Variants in NRG1 observed in about 807,000 individuals in gnomAD.
The protein encoded by NRG1 is pro-neuregulin-1, membrane-bound isoform.
Under a neutral mutation model 63.8 loss-of-function variants are expected in NRG1, and 18 were observed. The ratio of observed to expected loss-of-function variants is 0.28; its 90% CI spans 0.19 to 0.42. NRG1 has a LOEUF of 0.42. NRG1 is among the 10% of genes least tolerant of loss of function. The probability of loss-of-function intolerance (pLI) is 1.00; values close to 1 mark genes in which losing one functional copy is unlikely to be tolerated. For missense variants in NRG1, 762 were observed against 814.7 expected, an observed-to-expected ratio of 0.94 and a Z score of 0.79; for synonymous variants, 302 against 301.3, an observed-to-expected ratio of 1.00 and a Z score of -0.02.
chr8:32,547,590 AACACACACACAC>A (rs33943729), upstream of NRG1, among the ~76,000 whole-genome samples: 4 of 148,384 alleles, frequency 2.7e-5, no homozygotes, highest in East Asian at 2.0e-4. Context: ...GCACTTACTA[AACACACACACAC>A]ACACACACAC....
chr8:32,538,989 G>GGAA (rs1476742600), intron 1 of NRG1, among the ~76,000 whole-genome samples: 1 of 152,144 alleles, frequency 6.6e-6, no homozygotes, highest in Non-Finnish European at 1.5e-5. Flanking sequence ...AGTTGGGTCT[G>GGAA]GAAGAATGGA....
intron 1 of NRG1, among the ~76,000 whole-genome samples, chr8:31,685,119 T>C (rs1808752933): frequency 6.6e-6 from 1 of 152,182 alleles, no homozygotes; most frequent in Admixed American, 6.5e-5. Flanking sequence ...ATATTAAAAA[T>C]GTAGTCGATG....
chr8:32,757,081 C>A (rs1829819257), intron 9 of NRG1, among the ~76,000 whole-genome samples: 1 of 152,178 alleles, frequency 6.6e-6, no homozygotes, highest in Admixed American at 6.5e-5. Flanking sequence ...GTCATGCCAG[C>A]TTCTTCCCTG....
chr8:31,956,425 G>A (rs866909416), intron 1 of NRG1, among the ~76,000 whole-genome samples: 4 of 152,058 alleles, frequency 2.6e-5, no homozygotes, highest in South Asian at 2.1e-4. Flanking sequence ...AGACCATCCC[G>A]GCTAACATGG....
intron 1 of NRG1, among the ~76,000 whole-genome samples, chr8:31,851,672 T>A (rs1377680504): frequency 6.6e-6 from 1 of 151,808 alleles, no homozygotes; most frequent in Non-Finnish European, 1.5e-5. Context: ...GTTAGTTACA[T>A]ATGTATACAT....
chr8:32,674,441 C>G (rs1407731896), intron 5 of NRG1, among the ~76,000 whole-genome samples: 1 of 152,060 alleles, frequency 6.6e-6, no homozygotes, highest in Non-Finnish European at 1.5e-5. Flanking sequence ...TCTGAATAGG[C>G]AAAGAGTGAG....
chr8:31,858,338 G>A (rs960018695), intron 1 of NRG1, among the ~76,000 whole-genome samples: 7 of 151,380 alleles, frequency 4.6e-5, no homozygotes, highest in South Asian at 2.1e-4. Context: ...AGAACTCAAC[G>A]TTGACCATTC....
At chr8:32,544,302 T>A (rs1693318581), upstream of NRG1, among the ~76,000 whole-genome samples, 3 of 152,280 alleles carry the variant, frequency 2.0e-5, no homozygotes, top group South Asian at 6.2e-4. Flanking sequence ...TGCAGTATTT[T>A]TCTTTTAAAA....
chr8:31,908,968 G>T (rs1470876061), intron 1 of NRG1, among the ~76,000 whole-genome samples: 1 of 152,064 alleles, frequency 6.6e-6, no homozygotes, highest in Non-Finnish European at 1.5e-5. Context: ...AGATAAGGTT[G>T]ATCTTCATCT....
chr8:32,708,840 A>G (rs945494973), intron 5 of NRG1, among the ~76,000 whole-genome samples: 1 of 152,184 alleles, frequency 6.6e-6, no homozygotes, highest in African/African-American at 2.4e-5. Flanking sequence ...ACATGGGTAC[A>G]TATAACAGTG....
At chr8:31,841,437 A>G in intron 1 of NRG1, among the ~76,000 whole-genome samples, 1 of 152,104 alleles carries the variant, frequency 6.6e-6, no homozygotes, top group Admixed American at 6.6e-5. Context: ...GGGGCCGTGA[A>G]CAGCATTTGT....
chr8:32,121,572 T>C (rs760450322), intron 1 of NRG1, among the ~76,000 whole-genome samples: 1 of 152,072 alleles, frequency 6.6e-6, no homozygotes, highest in Non-Finnish European at 1.5e-5. Context: ...TGAGCCATTT[T>C]CTTCTTCATT....
chr8:32,362,131 A>G (rs1417468387), intron 1 of NRG1, among the ~76,000 whole-genome samples: 1 of 152,212 alleles, frequency 6.6e-6, no homozygotes, highest in East Asian at 1.9e-4. Context: ...TATGACCTAC[A>G]AAACCATCAA....
chr8:32,019,835 T>C (rs1433016867), intron 1 of NRG1, among the ~76,000 whole-genome samples: 1 of 152,258 alleles, frequency 6.6e-6, no homozygotes, highest in Non-Finnish European at 1.5e-5. Flanking sequence ...GACTATATCA[T>C]AAACCATATA....
chr8:31,708,443 A>ATTTTTTTTTTTTTTTTTT (rs1232647785), intron 1 of NRG1, among the ~76,000 whole-genome samples: 1 of 132,074 alleles, frequency 7.6e-6, no homozygotes, highest in Non-Finnish European at 1.6e-5. Flanking sequence ...AATAAACATA[A>ATTTTTTTTTTTTTTTTTT]TTGTTTTTTT....
At chr8:31,910,470 T>C (rs531528344) in intron 1 of NRG1, among the ~76,000 whole-genome samples, 1 of 152,124 alleles carries the variant, frequency 6.6e-6, no homozygotes, top group South Asian at 2.1e-4. Context: ...CTATTTTATA[T>C]GAGTGGAAGA....
intron 1 of NRG1, among the ~76,000 whole-genome samples, chr8:32,233,563 A>ATATATATATATTTTT (rs34593729): frequency 5.9e-5 from 4 of 67,264 alleles, no homozygotes; most frequent in Non-Finnish European, 1.0e-4. Context: ...ATATATATAT[A>ATATATATATATTTTT]TTTTTTTTTT....
rs562915220 is a variant in NRG1, at chr8:31,729,217, G to T, written c.37+89786G>T. 2.1e-5 allele frequency among the ~76,000 whole-genome samples: 3 copies of T among 144,442 alleles called. No individual in the cohort carries two copies. In the East Asian group the frequency reaches 5.9e-4, roughly 28 times the overall value. The allele number at this position is 144,442 out of a possible 152,430, so 94.8% of individuals were successfully genotyped here. ...AATAGAAGGCAAGACTTGGAGGTGGGATTTAAACAAATAAACAAAGTTTTT... is the reference window on the plus strand; with the variant it reads ...AATAGAAGGCAAGACTTGGAGGTGGTATTTAAACAAATAAACAAAGTTTTT... On this transcript the variant is annotated intron_variant, in intron 1 of 10. Transcript: ENST00000519301.
chr8:31,908,596 A>G (rs1832707057), intron 1 of NRG1, among the ~76,000 whole-genome samples: 1 of 152,210 alleles, frequency 6.6e-6, no homozygotes, highest in African/African-American at 2.4e-5. Flanking sequence ...AATCCTTGCC[A>G]GATTTTAAAT....
Sources: allele counts gnomAD v4.1 joint callset (sites outside exome capture counted in the v4.1 genomes callset), GRCh38; gene constraint gnomAD v4.1.1; transcripts MANE v1.5; gene names NCBI Gene and HGNC (gene_info 2026-07-23, HGNC 2026-07-21).